GRIN2A: variants seen among roughly 807,000 people sequenced by gnomAD.
GRIN2A encodes glutamate receptor ionotropic, NMDA 2A.
GRIN2A carries 22 observed loss-of-function variants against 113.4 expected under a neutral mutation model. The ratio of observed to expected loss-of-function variants is 0.19; its 90% confidence interval spans 0.14 to 0.28. The LOEUF is 0.28. Among genes scored for constraint, GRIN2A ranks in the 10% least tolerant of loss-of-function variants. GRIN2A has a pLI of 1.00. For synonymous variants in GRIN2A, 827 were observed against 738.4 expected, an observed-to-expected ratio of 1.12 and a Z score of -1.94; for missense variants, 1,502 against 1,887.0, an observed-to-expected ratio of 0.80 and a Z score of 3.78.
At chr16:9,949,110 G>A (rs890278232) in intron 2 of GRIN2A, among the ~76,000 whole-genome samples, 1 of 152,142 alleles carries the variant, frequency 6.6e-6, no homozygotes, top group Admixed American at 6.5e-5. Flanking sequence ...CCACCTCCAC[G>A]GTGCTCCCAG....
At chr16:9,925,764 T>G (rs1303144000) in intron 3 of GRIN2A, among the ~76,000 whole-genome samples, 1 of 152,234 alleles carries the variant, frequency 6.6e-6, no homozygotes, top group African/African-American at 2.4e-5. Flanking sequence ...TCCATCTTGG[T>G]CTGAAGTAGC....
intron 3 of GRIN2A, among the ~76,000 whole-genome samples, chr16:9,897,853 T>G (rs2043837286): frequency 6.6e-6 from 1 of 152,172 alleles, no homozygotes; most frequent in South Asian, 2.1e-4. Context: ...TCATCTGCCT[T>G]GCTTAGTATT....
At chr16:9,790,917 T>C (rs1383658443) in intron 11 of GRIN2A, among the ~76,000 whole-genome samples, 1 of 152,220 alleles carries the variant, frequency 6.6e-6, no homozygotes, top group Non-Finnish European at 1.5e-5. Flanking sequence ...GCGTATGCCC[T>C]CGAGGAATCT....
chr16:9,949,740 G>C (rs568000286), intron 2 of GRIN2A, among the ~76,000 whole-genome samples: 1 of 151,944 alleles, frequency 6.6e-6, no homozygotes, highest in South Asian at 2.1e-4. Context: ...TGGATGGATG[G>C]GTGGGTGGGT....
chr16:9,909,913 C>A (rs1401342246), intron 3 of GRIN2A, among the ~76,000 whole-genome samples: 2 of 152,210 alleles, frequency 1.3e-5, no homozygotes, highest in Admixed American at 6.5e-5. Flanking sequence ...AGAGGGCTTA[C>A]AGATCTAGCA....
At chr16:9,866,582 G>GA (rs1358264892) in intron 4 of GRIN2A, among the ~76,000 whole-genome samples, 7 of 152,294 alleles carry the variant, frequency 4.6e-5, no homozygotes, top group Admixed American at 2.6e-4. Context: ...TTGGCCTTGG[G>GA]AAATCCCTCT....
intron 2 of GRIN2A, among the ~76,000 whole-genome samples, chr16:10,161,797 C>T (rs2049814517): frequency 6.6e-6 from 1 of 152,152 alleles, no homozygotes; most frequent in Non-Finnish European, 1.5e-5. Context: ...CTGGAGGATG[C>T]TGGCATTCCT....
chr16:10,074,625 AGAC>A (rs1293913653), intron 2 of GRIN2A, among the ~76,000 whole-genome samples: 8 of 152,244 alleles, frequency 5.3e-5, no homozygotes, highest in Non-Finnish European at 1.2e-4. Flanking sequence ...GAAGGAAACC[AGAC>A]GCAAAAGGCC....
intron 2 of GRIN2A, among the ~76,000 whole-genome samples, chr16:10,091,711 A>T (rs1390643100): frequency 6.6e-6 from 1 of 152,246 alleles, no homozygotes; most frequent in East Asian, 1.9e-4. Flanking sequence ...ACACTGATAC[A>T]TGTGACAACA....
Position 9,755,321 on chromosome 16 carries a change from T to C in GRIN2A, c.*7828A>G, listed in dbSNP as rs2141108860. The C allele has an allele frequency of 5.4e-6, 1 of 186,860 alleles. No homozygotes were observed. The highest frequency in any genetic ancestry group is 2.0e-4 in the South Asian group (1 of 5,102). The allele number at this position is 186,860 out of a possible 1,614,324, so 11.6% of individuals were successfully genotyped here. A position where few individuals can be genotyped will look rare whatever the true frequency, so the allele number is the denominator to read the frequency against. On this transcript the variant is annotated 3_prime_UTR_variant, in exon 13 of 13. Coordinates refer to ENST00000330684, the MANE Select transcript of GRIN2A (RefSeq NM_001134407.3). ...AGAAATGCTATTGGTCAAATCGTTC[T>C]TTGGAGTGCTCCATTTCTGCATAGC...
At chr16:9,953,587 T>C (rs2045233037) in intron 2 of GRIN2A, among the ~76,000 whole-genome samples, 1 of 151,904 alleles carries the variant, frequency 6.6e-6, no homozygotes, top group Non-Finnish European at 1.5e-5. Context: ...GTCTATCTGC[T>C]GGGGGCGGTA....
rs2050248898 is a variant in GRIN2A at position 10,180,566 on chromosome 16, A to G, written c.-18-137T>C. 6.9e-7 allele frequency: 1 copy of G among 1,459,004 alleles called. No homozygotes were observed. Among genetic ancestry groups the G allele is most frequent in the Admixed American group, 2.3e-5 (1 of 44,204 alleles). 90.4% of individuals were successfully genotyped at this position (1,459,004 alleles called of 1,614,324 possible). On this transcript the variant is annotated intron_variant, in intron 1 of 12. Coordinates refer to ENST00000330684, the MANE Select transcript of GRIN2A (RefSeq NM_001134407.3). This position sits in a 1 kb window ranked among gnomAD's most constrained non-coding sequence, Gnocchi z 7.0. ...ATAGGCTGCTGGGATCACGGACTCC[A>G]TTCCGAGTCCCCGACGCCATCCACA...
rs190561736 is a variant in GRIN2A, at chr16:9,806,422, G to A, written c.2169-7958C>T. 9.3e-3 allele frequency among the ~76,000 whole-genome samples: 1,255 copies of A among 135,244 alleles called. 7 individuals carry two copies. Among genetic ancestry groups the A allele is most frequent in the Non-Finnish European group, 0.014 (876 of 61,936 alleles). 88.7% of individuals were successfully genotyped at this position (135,244 alleles called of 152,430 possible). ...CAGCTCTTGTCAGTTTATTTTGTGT[G>A]GCTTATTTTTTTTACCAATAATATT... On this transcript the variant is annotated intron_variant, in intron 10 of 12. Transcript: ENST00000330684.
intron 11 of GRIN2A, among the ~76,000 whole-genome samples, chr16:9,788,073 G>A (rs963847363): frequency 3.3e-5 from 5 of 152,158 alleles, no homozygotes; most frequent in Non-Finnish European, 5.9e-5. Flanking sequence ...CTGCAGCATG[G>A]CTAATTCTCA....
chr16:9,832,442 A>G (rs2042513313), intron 8 of GRIN2A, among the ~76,000 whole-genome samples: 1 of 152,090 alleles, frequency 6.6e-6, no homozygotes, highest in African/African-American at 2.4e-5. Context: ...CCCCATCACT[A>G]TCATGTCACT....
At chr16:9,800,733 T>C (rs888220934) in intron 10 of GRIN2A, among the ~76,000 whole-genome samples, 10 of 151,918 alleles carry the variant, frequency 6.6e-5, no homozygotes, top group Admixed American at 1.3e-4. Context: ...TTAAAGGGAA[T>C]CAGATCAAGC....
intron 2 of GRIN2A, among the ~76,000 whole-genome samples, chr16:9,949,749 GTGGA>G (rs930213365): frequency 2.0e-5 from 3 of 151,222 alleles, no homozygotes; most frequent in African/African-American, 7.3e-5. Context: ...GGGTGGGTGG[GTGGA>G]TGGATGGATG....
intron 4 of GRIN2A, among the ~76,000 whole-genome samples, chr16:9,881,911 G>A (rs75836286): frequency 0.041 from 6,278 of 152,256 alleles, 457 homozygotes; most frequent in African/African-American, 0.14. Flanking sequence ...CCTCACAATT[G>A]CAATTTTTCT....
chr16:9,781,506 G>T (rs1239410452), intron 11 of GRIN2A, among the ~76,000 whole-genome samples: 1 of 152,102 alleles, frequency 6.6e-6, no homozygotes. Context: ...GACCACAGGT[G>T]CATGCCACTA....
Sources: allele counts gnomAD v4.1 joint callset (sites outside exome capture counted in the v4.1 genomes callset), GRCh38; gene constraint gnomAD v4.1.1; non-coding constraint Gnocchi (gnomAD v3.1); transcripts MANE v1.5; gene names NCBI Gene and HGNC (gene_info 2026-07-23, HGNC 2026-07-21).